The following TMED3 variants were observed in gnomAD, a reference collection of about 807,000 sequenced individuals.
TMED3 encodes the protein transmembrane p24 trafficking protein 3, also known as transmembrane emp24 domain-containing protein 3.
A neutral mutation model predicts 15.0 loss-of-function variants in TMED3; 9 were observed. The observed-to-expected ratio is 0.60, with a 90% CI of 0.36 to 1.04. TMED3 has a LOEUF of 1.04. Among genes scored for constraint, TMED3 ranks in the 50% least tolerant of loss-of-function variants. The probability of loss-of-function intolerance (pLI) is 0.01; values close to 1 mark genes in which losing one functional copy is unlikely to be tolerated. For missense variants in TMED3, 267 were observed against 278.9 expected, an observed-to-expected ratio of 0.96 and a Z score of 0.30; for synonymous variants, 117 against 121.4, an observed-to-expected ratio of 0.96 and a Z score of 0.24.
At chr15:79,400,301 G>T (rs575259840) in intron 2 of TMED3, among the ~76,000 whole-genome samples, 10 of 152,124 alleles carry the variant, frequency 6.6e-5, no homozygotes, top group African/African-American at 2.4e-4. Context: ...CTTTGTCATA[G>T]CACCTGTTTA....
At chr15:79,318,037 C>G (rs1007845575) in intron 2 of TMED3, among the ~76,000 whole-genome samples, 2 of 152,224 alleles carry the variant, frequency 1.3e-5, no homozygotes, top group Admixed American at 6.5e-5. Flanking sequence ...CCACGCATCC[C>G]CATCACCATG....
chr15:79,350,242 A>C (rs2058886744), intron 2 of TMED3, among the ~76,000 whole-genome samples: 1 of 152,226 alleles, frequency 6.6e-6, no homozygotes, highest in Admixed American at 6.5e-5. Context: ...AGGGTTCTCC[A>C]AAGGAACAGA....
intron 2 of TMED3, among the ~76,000 whole-genome samples, chr15:79,376,904 G>GCCAGT (rs1423012302): frequency 6.6e-6 from 1 of 152,046 alleles, no homozygotes; most frequent in African/African-American, 2.4e-5. Context: ...AGGTAACAAG[G>GCCAGT]CCAGTTCAGG....
intron 2 of TMED3, among the ~76,000 whole-genome samples, chr15:79,332,193 T>A (rs1486696913): frequency 6.6e-6 from 1 of 152,250 alleles, no homozygotes; most frequent in East Asian, 1.9e-4. Flanking sequence ...ACAGGAAGAT[T>A]ACATACTGAT....
chr15:79,311,419 T>G lies in TMED3; in HGVS notation c.168+2T>G, dbSNP rs1052298282. On this transcript the variant is annotated splice_donor_variant, in intron 1 of 2. Coordinates refer to ENST00000299705, the MANE Select transcript of TMED3 (RefSeq NM_007364.4). LOFTEE classifies it high-confidence loss of function. Reference sequence around the variant, plus strand: ...GTGAAGTTCTCCCTGGATTACCAGGTGAGGCCGGGCGCCCGGCAGCGCTCC... The same window carrying G: ...GTGAAGTTCTCCCTGGATTACCAGGGGAGGCCGGGCGCCCGGCAGCGCTCC... 6 of 1,604,388 alleles carry G rather than the reference T, an allele frequency of 3.7e-6. No homozygotes were observed. The African/African-American group carries it at 8.1e-5, about 22-fold the overall frequency.
At chr15:79,383,095 G>GTAGAT in intron 2 of TMED3, 1 of 1,455,478 alleles carries the variant, frequency 6.9e-7, no homozygotes, top group Non-Finnish European at 9.3e-7. Flanking sequence ...CTCTTTGCCT[G>GTAGAT]TAGATCGCCA....
chr15:79,343,100 G>A (rs554121670), intron 2 of TMED3, among the ~76,000 whole-genome samples: 6 of 152,122 alleles, frequency 3.9e-5, no homozygotes, highest in Non-Finnish European at 8.8e-5. Flanking sequence ...GAACAGCATG[G>A]AGATAAGAAT....
Position 79,322,149 on chromosome 15 carries a change from C to G in TMED3, c.589C>G (p.Gln197Glu). Reference protein sequence around the residue: ...TIALFVVSFSQVLLLKSFFTE... With the variant: ...TIALFVVSFSEVLLLKSFFTE... ...TGCCCTGTTCGTGGTCAGCTTCAGT[C>G]AGGTGCTACTGTTGAAAAGCTTCTT... Residue 197 changes from glutamine to glutamate, a missense_variant, in exon 3 of 3, where the codon CAG becomes GAG. Transcript: ENST00000299705. 2 of 1,614,188 alleles carry G rather than the reference C, an allele frequency of 1.2e-6. No individual in the cohort carries two copies. Among genetic ancestry groups the G allele is most frequent in the South Asian group, 1.1e-5 (1 of 91,084 alleles).
intron 2 of TMED3, among the ~76,000 whole-genome samples, chr15:79,377,807 G>C (rs1289072579): frequency 5.9e-5 from 9 of 151,626 alleles, no homozygotes; most frequent in African/African-American, 2.2e-4. Context: ...CCACCGCGCC[G>C]GGCCAATTTT....
intron 2 of TMED3, among the ~76,000 whole-genome samples, chr15:79,338,347 A>G (rs185082747): frequency 4.6e-5 from 7 of 152,268 alleles, no homozygotes; most frequent in Non-Finnish European, 7.4e-5. Flanking sequence ...TACCATTAGT[A>G]TTTTCTGCAT....
downstream of TMED3, among the ~76,000 whole-genome samples, chr15:79,326,249 G>A (rs182701083): frequency 6.6e-6 from 1 of 152,366 alleles, no homozygotes; most frequent in East Asian, 1.9e-4. Flanking sequence ...GATATGCTAT[G>A]TGGAGAAAAC....
intron 2 of TMED3, among the ~76,000 whole-genome samples, chr15:79,342,500 T>G (rs2084646535): frequency 6.6e-6 from 1 of 152,152 alleles, no homozygotes; most frequent in Non-Finnish European, 1.5e-5. Context: ...ATTTAAATGC[T>G]AGAGGAAAAT....
chr15:79,338,910 G>A (rs1034576494), intron 2 of TMED3, among the ~76,000 whole-genome samples: 1 of 152,040 alleles, frequency 6.6e-6, no homozygotes, highest in African/African-American at 2.4e-5. Flanking sequence ...CCGGGAAAGG[G>A]AGTCTCCCTT....
rs1333955851 is a variant in TMED3, at chr15:79,311,295, C to G, written c.46C>G (p.Leu16Val). 1.2e-6 allele frequency: 2 copies of G among 1,607,488 alleles called. No homozygotes were observed. The highest frequency in any genetic ancestry group is 2.2e-5 in the East Asian group (1 of 44,470). The change falls in exon 1 of 3, where the codon CTG becomes GTG. Residue 16 changes from leucine to valine, a missense_variant. By Grantham distance (32) the Leu-to-Val change is conservative. Transcript: ENST00000299705. ...CTCCGCCTCCGTGCTGCTTCTGCTG[C>G]TGCTCCTGCGCCGGGCCGAGCAGCC... ...PRSASVLLLL[L>V]LLRRAEQPCG...
chr15:79,401,914 A>G (rs1007423851), intron 2 of TMED3, among the ~76,000 whole-genome samples: 7 of 152,136 alleles, frequency 4.6e-5, no homozygotes, highest in African/African-American at 1.7e-4. Flanking sequence ...TGGAGGAGGC[A>G]TTCTTCATGA....
intron 2 of TMED3, among the ~76,000 whole-genome samples, chr15:79,332,253 A>G (rs1188960314): frequency 6.6e-6 from 1 of 152,254 alleles, no homozygotes; most frequent in Non-Finnish European, 1.5e-5. Flanking sequence ...TACCGCCATC[A>G]TCAATGGATA....
At chr15:79,399,668 A>T (rs1893809282) in intron 2 of TMED3, among the ~76,000 whole-genome samples, 1 of 152,204 alleles carries the variant, frequency 6.6e-6, no homozygotes, top group African/African-American at 2.4e-5. Context: ...TCAGATTTGC[A>T]TTTTAGAAAG....
intron 2 of TMED3, among the ~76,000 whole-genome samples, chr15:79,380,128 G>A (rs1039239480): frequency 3.9e-5 from 6 of 151,986 alleles, no homozygotes; most frequent in Admixed American, 2.0e-4. Context: ...GGGAGGGGCC[G>A]GATCACGAGG....
chr15:79,411,383 CT>C (rs1277629083), intron 2 of TMED3: 5 of 702,180 alleles, frequency 7.1e-6, no homozygotes, highest in Admixed American at 6.0e-5. Flanking sequence ...ATCTTTTTAT[CT>C]TTTTGAACAA....
Sources: gnomAD v4.1 joint callset for allele counts (sites outside exome capture counted in the v4.1 genomes callset) on GRCh38, gnomAD v4.1.1 for gene constraint, MANE v1.5 for transcripts, NCBI Gene and HGNC (gene_info 2026-07-23, HGNC 2026-07-21) for gene names.